Variants in PTPRT observed in about 807,000 individuals in gnomAD.
The protein encoded by PTPRT is receptor-type tyrosine-protein phosphatase T.
Under a neutral mutation model 176.8 loss-of-function variants are expected in PTPRT, and 56 were observed. The observed-to-expected ratio is 0.32, with a 90% CI of 0.26 to 0.40. The LOEUF (loss-of-function observed/expected upper bound fraction) is 0.40. Among genes scored for constraint, PTPRT ranks in the 10% least tolerant of loss-of-function variants. The pLI, the probability that PTPRT is intolerant of heterozygous loss-of-function variation, is 1.00. For synonymous variants in PTPRT, 783 were observed against 739.0 expected, an observed-to-expected ratio of 1.06 and a Z score of -0.96; for missense variants, 1,540 against 1,908.2, an observed-to-expected ratio of 0.81 and a Z score of 3.60.
chr20:42,786,840 G>A (rs2077298298), intron 3 of PTPRT, among the ~76,000 whole-genome samples: 2 of 152,190 alleles, frequency 1.3e-5, no homozygotes, highest in African/African-American at 2.4e-5. Context: ...AGTCTAGGGA[G>A]TAGGGTATCT....
intron 11 of PTPRT, among the ~76,000 whole-genome samples, chr20:42,348,668 G>T (rs530871519): frequency 1.3e-5 from 2 of 152,312 alleles, no homozygotes; most frequent in East Asian, 3.9e-4. Flanking sequence ...GCAAGTGCTT[G>T]TTCCTTAAAT....
chr20:42,157,075 C>G (rs1989387874), intron 17 of PTPRT, among the ~76,000 whole-genome samples: 1 of 152,140 alleles, frequency 6.6e-6, no homozygotes. Context: ...TTATCCCTTG[C>G]TCACTCTTCC....
intron 1 of PTPRT, among the ~76,000 whole-genome samples, chr20:43,068,554 G>A (rs1383813719): frequency 6.6e-6 from 1 of 151,294 alleles, no homozygotes. Flanking sequence ...CTCAGTTTGG[G>A]ACACACTGAG....
intron 2 of PTPRT, among the ~76,000 whole-genome samples, chr20:42,844,037 T>C (rs544062605): frequency 1.1e-4 from 16 of 152,194 alleles, no homozygotes; most frequent in Non-Finnish European, 1.9e-4. Flanking sequence ...AATAAAGTAG[T>C]TAAGTGTATG....
At chr20:42,220,787 A>T (rs2146787629) in intron 15 of PTPRT, among the ~76,000 whole-genome samples, 1 of 152,286 alleles carries the variant, frequency 6.6e-6, no homozygotes, top group East Asian at 1.9e-4. Flanking sequence ...AGAGACAAAA[A>T]TTTACTCAAT....
intron 9 of PTPRT, among the ~76,000 whole-genome samples, chr20:42,393,166 G>A (rs1372898138): frequency 6.6e-6 from 1 of 152,142 alleles, no homozygotes; most frequent in Non-Finnish European, 1.5e-5. Context: ...AGGGTCTTAG[G>A]ACTTTCTTCA....
Position 42,102,292 on chromosome 20 carries a change from G to A in PTPRT, c.3546C>T (p.Leu1182=), listed in dbSNP as rs1986017244. Residue 1182 remains leucine, a synonymous_variant, in exon 26 of 31, where the codon CTC becomes CTT. Coordinates refer to ENST00000373187, the MANE Select transcript of PTPRT (RefSeq NM_007050.6). ...SSQIKDEFQT[L]NIVTPRVRPE... ...GCCGCACACGGGGTGTCACAATGTTGAGGGTCTGTGGGGCACAAAGGTGAA... is the reference window on the plus strand; with the variant it reads ...GCCGCACACGGGGTGTCACAATGTTAAGGGTCTGTGGGGCACAAAGGTGAA... 2 of 1,613,722 alleles carry A rather than the reference G, an allele frequency of 1.2e-6. No homozygotes were observed. The highest frequency in any genetic ancestry group is 1.7e-6 in the Non-Finnish European group (2 of 1,179,810).
intron 7 of PTPRT, among the ~76,000 whole-genome samples, chr20:42,648,508 T>A (rs1372180938): frequency 6.6e-6 from 1 of 152,086 alleles, no homozygotes; most frequent in Non-Finnish European, 1.5e-5. Flanking sequence ...TATCATTAAG[T>A]GAGAAGCTGC....
intron 9 of PTPRT, among the ~76,000 whole-genome samples, chr20:42,420,278 C>G (rs1175045867): frequency 6.6e-6 from 1 of 152,122 alleles, no homozygotes; most frequent in African/African-American, 2.4e-5. Context: ...ATACGACTGT[C>G]CAATGCCTAT....
At chr20:42,984,270 ACAAGT>A in intron 1 of PTPRT, among the ~76,000 whole-genome samples, 1 of 152,340 alleles carries the variant, frequency 6.6e-6, no homozygotes, top group Middle Eastern at 3.4e-3. Flanking sequence ...ATCAAATGCC[ACAAGT>A]CATTCACAAG....
intron 6 of PTPRT, among the ~76,000 whole-genome samples, chr20:42,725,751 C>T (rs534540946): frequency 3.3e-5 from 5 of 152,118 alleles, no homozygotes; most frequent in Admixed American, 3.3e-4. Flanking sequence ...TTGTGGGAGA[C>T]AGTGTTGCAA....
At chr20:42,997,723 A>G (rs1392704584) in intron 1 of PTPRT, among the ~76,000 whole-genome samples, 1 of 152,244 alleles carries the variant, frequency 6.6e-6, no homozygotes, top group Non-Finnish European at 1.5e-5. Flanking sequence ...GACTTAGCTT[A>G]GTGCCTAGAA....
chr20:42,119,888 G>A (rs774095199), intron 20 of PTPRT, 47 bp downstream of exon 20: 2 of 1,542,722 alleles, frequency 1.3e-6, no homozygotes, highest in African/African-American at 1.4e-5. Context: ...TTTCCCCTGG[G>A]ACCCCTGAAG....
chr20:42,611,927 C>A (rs1489335697), intron 7 of PTPRT, among the ~76,000 whole-genome samples: 1 of 152,140 alleles, frequency 6.6e-6, no homozygotes, highest in African/African-American at 2.4e-5. Flanking sequence ...CAGGGATCTC[C>A]CACATCAGAC....
Position 42,525,999 on chromosome 20 carries a change from G to A in PTPRT, c.1154-53437C>T, listed in dbSNP as rs549122715. Among the ~76,000 whole-genome samples the A allele has an allele frequency of 3.4e-4, 51 of 151,048 alleles. No homozygotes were observed. In the South Asian group the frequency reaches 4.2e-3, roughly 12 times the overall value. On this transcript the variant is annotated intron_variant, in intron 7 of 30. Transcript: ENST00000373187. ...ATTCTACTGTCATTTAGCATTTAAT[G>A]TTACTATGGAGAGTGTTTTTTTTTT...
intron 9 of PTPRT, among the ~76,000 whole-genome samples, chr20:42,444,700 T>C (rs1353598933): frequency 6.6e-6 from 1 of 152,170 alleles, no homozygotes; most frequent in Non-Finnish European, 1.5e-5. Context: ...CATTATCCTA[T>C]TTTTCTTTGT....
At chr20:42,402,811 G>T (rs757118220) in intron 9 of PTPRT, among the ~76,000 whole-genome samples, 3 of 151,250 alleles carry the variant, frequency 2.0e-5, no homozygotes, top group Non-Finnish European at 2.9e-5. Context: ...GTGGTTTGGG[G>T]GTGTGTGTGT....
Position 42,078,133 on chromosome 20 carries a change from T to C in PTPRT, c.*2746A>G. ...GTGGGGGTGGGTCCCCGGGGTCTGC[T>C]GAAATACACCTGGGGAGAGGCTCAT... On this transcript the variant is annotated 3_prime_UTR_variant, in exon 31 of 31. Transcript: ENST00000373187. The C allele has an allele frequency of 5.3e-6, 1 of 188,784 alleles. No individual in the cohort carries two copies. The highest frequency in any genetic ancestry group is 2.3e-5 in the African/African-American group (1 of 42,886). The allele number at this position is 188,784 out of a possible 1,614,324, so 11.7% of individuals were successfully genotyped here.
intron 7 of PTPRT, among the ~76,000 whole-genome samples, chr20:42,555,810 A>G (rs892026844): frequency 6.6e-6 from 1 of 152,182 alleles, no homozygotes; most frequent in Non-Finnish European, 1.5e-5. Context: ...GTCCTAGACA[A>G]GGGCTGGTCC....
Sources: allele counts gnomAD v4.1 joint callset (sites outside exome capture counted in the v4.1 genomes callset), GRCh38; gene constraint gnomAD v4.1.1; transcripts MANE v1.5; gene names NCBI Gene and HGNC (gene_info 2026-07-23, HGNC 2026-07-21).